The following ESRRB variants were observed in gnomAD, a reference collection of about 807,000 sequenced individuals.
ESRRB encodes estrogen related receptor beta, also known as steroid hormone receptor ERR2.
ESRRB carries 16 observed loss-of-function variants against 46.0 expected under a neutral mutation model. The observed-to-expected ratio is 0.35, with a 90% CI of 0.24 to 0.53. The LOEUF is 0.53. ESRRB is among the 20% of genes least tolerant of loss of function. ESRRB has a pLI of 0.93. For missense variants in ESRRB, 488 were observed against 607.4 expected, an observed-to-expected ratio of 0.80 and a Z score of 2.07; for synonymous variants, 246 against 259.6, an observed-to-expected ratio of 0.95 and a Z score of 0.50.
chr14:76,419,018 CT>C (rs869269538), intron 1 of ESRRB, among the ~76,000 whole-genome samples: 1,983 of 143,636 alleles, frequency 0.014, 14 homozygotes, highest in Middle Eastern at 0.02. Flanking sequence ...AGCCTGTAAA[CT>C]TTTTTTTTTT....
Position 76,439,868 on chromosome 14 carries a change from G to C in ESRRB, c.460+118G>C, listed in dbSNP as rs987101244. On this transcript the variant is annotated intron_variant, in intron 2 of 6. Coordinates refer to ENST00000644823, the MANE Select transcript of ESRRB (RefSeq NM_001379180.1). ...TGCCAATTCTGGGCGCTGTTGGAGC[G>C]GTACTTCTGTGGGGCGCCTTTTCCC... The C allele has an allele frequency of 7.8e-6, 9 of 1,146,730 alleles. No homozygotes were observed. The East Asian group carries it at 2.0e-4, about 26-fold the overall frequency. The allele number at this position is 1,146,730 out of a possible 1,614,324, so 71.0% of individuals were successfully genotyped here.
At chr14:76,317,235 G>A (rs1883811944) in intron 1 of ESRRB, among the ~76,000 whole-genome samples, 1 of 151,620 alleles carries the variant, frequency 6.6e-6, no homozygotes. Context: ...CAAGTGGCTG[G>A]CTAAGACAAT....
chr14:76,469,919 G>GTTTTTTTTTTT (rs1566603692), intron 3 of ESRRB, among the ~76,000 whole-genome samples: 1 of 84,526 alleles, frequency 1.2e-5, no homozygotes, highest in African/African-American at 4.7e-5. Context: ...ACTAGGCTGT[G>GTTTTTTTTTTT]TTTTTTGTTG....
intron 1 of ESRRB, among the ~76,000 whole-genome samples, chr14:76,316,565 T>G (rs1360652042): frequency 6.6e-6 from 1 of 152,184 alleles, no homozygotes; most frequent in Non-Finnish European, 1.5e-5. Flanking sequence ...GCAGAGTGAA[T>G]TGCAGAAGTT....
rs527358866 is a variant in ESRRB at position 76,477,119 on chromosome 14, C to T, written c.578-4897C>T. On this transcript the variant is annotated intron_variant, in intron 3 of 6. Coordinates refer to ENST00000644823, the MANE Select transcript of ESRRB (RefSeq NM_001379180.1). ...AAACAGTAAAAAAAGGAGAAGGCCG[C>T]TTCACTTTGGTGGGGTTCCATCTTC... is the stretch of plus-strand genomic sequence containing the variant. Among the ~76,000 whole-genome samples the T allele has an allele frequency of 1.6e-4, 24 of 152,310 alleles. No individual in the cohort carries two copies. The South Asian group carries it at 2.1e-3, about 13-fold the overall frequency.
chr14:76,350,791 G>A (rs913814691), intron 1 of ESRRB, among the ~76,000 whole-genome samples: 3 of 152,150 alleles, frequency 2.0e-5, no homozygotes, highest in African/African-American at 4.8e-5. Flanking sequence ...TGGACCACCT[G>A]GACACAGCTT....
upstream of ESRRB, among the ~76,000 whole-genome samples, chr14:76,372,605 G>C (rs1476067295): frequency 6.6e-6 from 1 of 152,182 alleles, no homozygotes; most frequent in African/African-American, 2.4e-5. Flanking sequence ...GCCAACTCAG[G>C]CAGATCACAA....
At chr14:76,396,648 T>G (rs535921307) in intron 1 of ESRRB, among the ~76,000 whole-genome samples, 2 of 152,312 alleles carry the variant, frequency 1.3e-5, no homozygotes, top group Admixed American at 1.3e-4. Flanking sequence ...AGAAACCAGG[T>G]TCTGTCCCTG....
At chr14:76,373,205 G>C (rs1884665057), upstream of ESRRB, among the ~76,000 whole-genome samples, 1 of 152,306 alleles carries the variant, frequency 6.6e-6, no homozygotes, top group African/African-American at 2.4e-5. Context: ...GTGGAGGGTA[G>C]TGAAGGGGTG....
intron 2 of ESRRB, among the ~76,000 whole-genome samples, chr14:76,447,722 C>T (rs1040933731): frequency 2.0e-5 from 3 of 152,124 alleles, no homozygotes; most frequent in Admixed American, 2.0e-4. Flanking sequence ...GCGCCCACCC[C>T]CCTACCACCC....
rs1566853147 is a variant in ESRRB, at chr14:76,332,622, AATATATATTATATATATT to A, written c.2+21707_2+21724del. ...ATATTATATATTTATATATTATATA[AATATATATTATATATATT>A]TATATATTATATAAATATATATTAT... On this transcript the variant is annotated intron_variant, in intron 1 of 6. Coordinates refer to the ESRRB transcript ENST00000512784. Among the ~76,000 whole-genome samples, 106 of 38,502 alleles carry A rather than the reference AATATATATTATATATATT, an allele frequency of 2.8e-3. 2 individuals carry two copies. The highest frequency in any genetic ancestry group is 0.014 in the African/African-American group (104 of 7,286). 25.3% of individuals were successfully genotyped at this position (38,502 alleles called of 152,430 possible).
At chr14:76,486,932 A>G (rs1018655944) in intron 5 of ESRRB, among the ~76,000 whole-genome samples, 1 of 152,250 alleles carries the variant, frequency 6.6e-6, no homozygotes, top group African/African-American at 2.4e-5. Flanking sequence ...ACTGAAGGGC[A>G]GGGAGGAGTG....
chr14:76,389,824 T>G (rs1442955911), intron 1 of ESRRB, among the ~76,000 whole-genome samples: 1 of 152,180 alleles, frequency 6.6e-6, no homozygotes, highest in Non-Finnish European at 1.5e-5. Context: ...ACAAAGGTAA[T>G]AGATACCACT....
intron 1 of ESRRB, among the ~76,000 whole-genome samples, chr14:76,394,163 A>G (rs564883516): frequency 6.6e-6 from 1 of 151,922 alleles, no homozygotes; most frequent in South Asian, 2.1e-4. Context: ...GAGATCAGAG[A>G]TTGTGCCTGT....
Position 76,422,189 on chromosome 14 carries a change from C to G in ESRRB, c.51-17152C>G, listed in dbSNP as rs542500838. On this transcript the variant is annotated intron_variant, in intron 1 of 6. Transcript: ENST00000644823. ...GAATGTGGGCACGCACACGCACAGC[C>G]CTTGCCACATTTCCTTCTTTTTTTT... 2.7e-5 allele frequency among the ~76,000 whole-genome samples: 4 copies of G among 150,908 alleles called. No individual in the cohort carries two copies. In the East Asian group the frequency reaches 7.8e-4, roughly 30 times the overall value.
intron 1 of ESRRB, among the ~76,000 whole-genome samples, chr14:76,405,464 T>C (rs1302706585): frequency 6.6e-6 from 1 of 152,090 alleles, no homozygotes; most frequent in Admixed American, 6.6e-5. Flanking sequence ...GAACCGATAA[T>C]GGGAGTGTTT....
At position 76,498,646 on chromosome 14, in the gene ESRRB, T is replaced by TTGG; in HGVS notation, c.*188_*189insTGG. ...GGTGCAGTGGGGTGGGGGACGGGGA[T>TTGG]GGGGGGGCAGGGGTGTGGGGCTCGA... On this transcript the variant is annotated 3_prime_UTR_variant, in exon 7 of 7. Coordinates refer to ENST00000644823, the MANE Select transcript of ESRRB (RefSeq NM_001379180.1). 1 of 206,920 alleles carries TTGG rather than the reference T, an allele frequency of 4.8e-6. No homozygotes were observed. The highest frequency in any genetic ancestry group is 9.4e-6 in the Non-Finnish European group (1 of 106,226). The allele number at this position is 206,920 out of a possible 1,614,324, so 12.8% of individuals were successfully genotyped here.
At chr14:76,433,779 G>T (rs1002607556) in intron 1 of ESRRB, among the ~76,000 whole-genome samples, 12 of 152,072 alleles carry the variant, frequency 7.9e-5, no homozygotes, top group African/African-American at 2.9e-4. Context: ...TAAGTGTAGG[G>T]ATACTTGCCC....
chr14:76,476,445 C>T (rs548405477), intron 3 of ESRRB, among the ~76,000 whole-genome samples: 1 of 152,244 alleles, frequency 6.6e-6, no homozygotes, highest in East Asian at 1.9e-4. Flanking sequence ...TTTCCTGAGT[C>T]TACTTTTAGA....
Sources: gnomAD v4.1 joint callset for allele counts (sites outside exome capture counted in the v4.1 genomes callset) on GRCh38, gnomAD v4.1.1 for gene constraint, MANE v1.5 for transcripts, NCBI Gene and HGNC (gene_info 2026-07-23, HGNC 2026-07-21) for gene names.